Variants in PPP1R12A observed in about 807,000 individuals in gnomAD.
PPP1R12A encodes the protein protein phosphatase 1 regulatory subunit 12A, also known as myosin binding subunit.
In PPP1R12A, 19 loss-of-function variants were observed where a neutral mutation model predicts 139.6. The observed-to-expected ratio is 0.14, with a 90% CI of 0.09 to 0.20. PPP1R12A has a LOEUF of 0.20. Among genes scored for constraint, PPP1R12A ranks in the 10% least tolerant of loss-of-function variants. PPP1R12A has a pLI of 1.00. For synonymous variants in PPP1R12A, 427 were observed against 420.6 expected, an observed-to-expected ratio of 1.02 and a Z score of -0.19; for missense variants, 925 against 1,211.5, an observed-to-expected ratio of 0.76 and a Z score of 3.51.
At chr12:79,932,908 T>C (rs1888355029) in intron 1 of PPP1R12A, among the ~76,000 whole-genome samples, 1 of 152,208 alleles carries the variant, frequency 6.6e-6, no homozygotes, top group African/African-American at 2.4e-5. Context: ...ATAAAACATA[T>C]TGATGCGAAC....
intron 1 of PPP1R12A, among the ~76,000 whole-genome samples, chr12:79,877,889 G>A (rs1592756580): frequency 6.6e-6 from 1 of 151,998 alleles, no homozygotes; most frequent in South Asian, 2.1e-4. Context: ...ACTGTATCCT[G>A]AATTTTATCC....
intron 2 of PPP1R12A, among the ~76,000 whole-genome samples, chr12:79,856,982 T>C (rs972925222): frequency 2.0e-5 from 3 of 152,234 alleles, no homozygotes; most frequent in Non-Finnish European, 4.4e-5. Flanking sequence ...CTTTATCATA[T>C]ATTATTTCTC....
intron 1 of PPP1R12A, chr12:79,878,266 T>G (rs1218797875): frequency 6.6e-6 from 1 of 151,958 alleles, no homozygotes; most frequent in African/African-American, 2.4e-5. Flanking sequence ...AAAATACCTA[T>G]TCCTTTAACT....
intron 22 of PPP1R12A, among the ~76,000 whole-genome samples, 185 bp downstream of exon 22, chr12:79,786,189 A>T (rs1457501034): frequency 6.6e-6 from 1 of 152,186 alleles, no homozygotes; most frequent in Non-Finnish European, 1.5e-5. Flanking sequence ...TTATAAGTTG[A>T]CTTTTGACTA....
intron 1 of PPP1R12A, among the ~76,000 whole-genome samples, chr12:79,901,089 C>T (rs1188645328): frequency 1.3e-5 from 2 of 152,012 alleles, no homozygotes; most frequent in Admixed American, 6.6e-5. Context: ...ATTACAGAAC[C>T]GTTACAGAAA....
intron 2 of PPP1R12A, among the ~76,000 whole-genome samples, chr12:79,862,634 G>A (rs764263178): frequency 6.6e-6 from 1 of 152,140 alleles, no homozygotes; most frequent in African/African-American, 2.4e-5. Flanking sequence ...TGACCTGATG[G>A]AGCTGAAAAC....
intron 17 of PPP1R12A, 151 bp downstream of exon 17, chr12:79,796,631 C>G: frequency 1.7e-6 from 1 of 574,486 alleles, no homozygotes; most frequent in South Asian, 3.7e-5. Context: ...TTCTACTTTT[C>G]TCATTCTCAA....
At chr12:79,861,062 T>A (rs1323158373) in intron 2 of PPP1R12A, among the ~76,000 whole-genome samples, 1 of 152,104 alleles carries the variant, frequency 6.6e-6, no homozygotes, top group South Asian at 2.1e-4. Context: ...ACCAACCCAA[T>A]AGTAATGAGC....
At chr12:79,776,961 A>G (rs1869804348) in intron 24 of PPP1R12A, among the ~76,000 whole-genome samples, 2 of 152,130 alleles carry the variant, frequency 1.3e-5, no homozygotes, top group South Asian at 4.1e-4. Context: ...AAAATCTTTA[A>G]GAAGATTTAA....
intron 2 of PPP1R12A, among the ~76,000 whole-genome samples, chr12:79,863,867 T>G (rs1208373390): frequency 6.6e-6 from 1 of 152,106 alleles, no homozygotes; most frequent in African/African-American, 2.4e-5. Context: ...CGAAGAGACT[T>G]AGACTTCCAC....
intron 2 of PPP1R12A, among the ~76,000 whole-genome samples, chr12:79,869,555 C>G (rs1192464767): frequency 1.3e-5 from 2 of 152,134 alleles, no homozygotes; most frequent in Non-Finnish European, 2.9e-5. Context: ...TCTTGAGAGT[C>G]TGGTAGAAGC....
chr12:79,862,497 A>C (rs556223818), intron 2 of PPP1R12A, among the ~76,000 whole-genome samples: 1 of 152,310 alleles, frequency 6.6e-6, no homozygotes, highest in African/African-American at 2.4e-5. Context: ...CAGCTTCAGA[A>C]GGTCGGTAAT....
chr12:79,859,473 G>A (rs1207061742), intron 2 of PPP1R12A, among the ~76,000 whole-genome samples: 1 of 151,884 alleles, frequency 6.6e-6, no homozygotes, highest in Non-Finnish European at 1.5e-5. Flanking sequence ...TCTGTTGGAT[G>A]TTTATAAAAT....
chr12:79,924,944 G>A (rs556229550), intron 1 of PPP1R12A, among the ~76,000 whole-genome samples: 1 of 152,142 alleles, frequency 6.6e-6, no homozygotes, highest in South Asian at 2.1e-4. Flanking sequence ...AAGCTTTTTA[G>A]AAAATATCAT....
At chr12:79,838,949 C>T (rs1333908893) in intron 3 of PPP1R12A, among the ~76,000 whole-genome samples, 2 of 152,162 alleles carry the variant, frequency 1.3e-5, no homozygotes, top group East Asian at 1.9e-4. Flanking sequence ...CTTCCAGACC[C>T]CAGAATGACA....
chr12:79,907,615 C>A (rs1420980210), intron 1 of PPP1R12A, among the ~76,000 whole-genome samples: 1 of 152,146 alleles, frequency 6.6e-6, no homozygotes, highest in Non-Finnish European at 1.5e-5. Flanking sequence ...AAAAATAAAT[C>A]TGTTCAGGCA....
chr12:79,810,942 T>C (rs1162232706), intron 9 of PPP1R12A, among the ~76,000 whole-genome samples: 1 of 152,164 alleles, frequency 6.6e-6, no homozygotes, highest in Non-Finnish European at 1.5e-5. Context: ...ACATTAACTA[T>C]TTCAACTATA....
chr12:79,933,276 T>C (rs1008672356), intron 1 of PPP1R12A, among the ~76,000 whole-genome samples: 12 of 152,370 alleles, frequency 7.9e-5, no homozygotes, highest in Admixed American at 2.0e-4. Flanking sequence ...CAGTCAACTT[T>C]GTAAACAAAG....
At position 79,793,854 on chromosome 12, in the gene PPP1R12A, G is replaced by C; in HGVS notation, c.2649+9C>G. On this transcript the variant is annotated intron_variant, in intron 19 of 24. Transcript: ENST00000450142. The stretch of plus-strand genomic sequence containing the variant: ...AATACTTCTCAATACAAAAAGTAAT[G>C]GTATTTACCTGAGTTTCTTTCTTAT... The C allele has an allele frequency of 6.4e-7, 1 of 1,554,610 alleles. No homozygotes were observed. The highest frequency in any genetic ancestry group is 8.8e-7 in the Non-Finnish European group (1 of 1,142,546).
Sources: allele counts gnomAD v4.1 joint callset (sites outside exome capture counted in the v4.1 genomes callset), GRCh38; gene constraint gnomAD v4.1.1; transcripts MANE v1.5; gene names NCBI Gene and HGNC (gene_info 2026-07-23, HGNC 2026-07-21).